Variants in RBFOX1 observed in about 807,000 individuals in gnomAD.
RBFOX1 encodes the protein RNA binding protein fox-1 homolog 1.
A neutral mutation model predicts 57.7 loss-of-function variants in RBFOX1; 8 were observed. The ratio of observed to expected loss-of-function variants is 0.14; its 90% CI spans 0.08 to 0.25. The LOEUF (loss-of-function observed/expected upper bound fraction) is 0.25, where lower values mean the gene tolerates loss of function less well. RBFOX1 is among the 10% of genes least tolerant of loss of function. RBFOX1 has a pLI of 1.00. For missense variants in RBFOX1, 611 were observed against 548.5 expected (o/e 1.11, Z -1.14); for synonymous variants, 326 against 222.4 (o/e 1.47, Z -4.15).
chr16:6,806,759 T>TA (rs2086861753), intron 3 of RBFOX1, among the ~76,000 whole-genome samples: 1 of 93,626 alleles, frequency 1.1e-5, no homozygotes, highest in Non-Finnish European at 3.1e-5. Flanking sequence ...TCTTTTTCTA[T>TA]TTTTTCTTTG....
chr16:5,524,621 A>T (rs1217712524), intron 2 of RBFOX1, among the ~76,000 whole-genome samples: 1 of 151,156 alleles, frequency 6.6e-6, no homozygotes, highest in African/African-American at 2.4e-5. Flanking sequence ...GCTCACTGCA[A>T]CCTCTGTGTC....
In RBFOX1 at chr16:7,197,614, A is replaced by G. The variant is rs188017568; in HGVS notation, c.27+145516A>G. Among the ~76,000 whole-genome samples the G allele has an allele frequency of 2.1e-3, 322 of 152,318 alleles. 1 individual carries two copies. Among genetic ancestry groups the G allele is most frequent in the African/African-American group, 7.3e-3 (305 of 41,570 alleles). On this transcript the variant is annotated intron_variant, in intron 4 of 15. Transcript: ENST00000550418. ...CATTGAAAACAAGTACTCAAACAAA[A>G]ATGTGTACAGAAATGTTCATCACAG...
intron 4 of RBFOX1, among the ~76,000 whole-genome samples, chr16:7,268,424 C>G (rs1363976277): frequency 3.9e-5 from 6 of 152,208 alleles, no homozygotes; most frequent in South Asian, 2.1e-4. Context: ...GTTACTTGCT[C>G]TCTGGGAGAA....
intron 4 of RBFOX1, among the ~76,000 whole-genome samples, chr16:7,441,497 C>T (rs1417258123): frequency 6.6e-6 from 1 of 152,140 alleles, no homozygotes; most frequent in East Asian, 1.9e-4. Flanking sequence ...GTGGTAAAAA[C>T]TAAAACTGGT....
chr16:6,788,740 G>C (rs773192596), intron 3 of RBFOX1, among the ~76,000 whole-genome samples: 16 of 148,020 alleles, frequency 1.1e-4, no homozygotes, highest in African/African-American at 4.2e-4. Flanking sequence ...CTCCCAGAGT[G>C]CTGGGATTAC....
At position 6,342,882 on chromosome 16, in the gene RBFOX1, C is replaced by A. The variant is rs1216592910; in HGVS notation, c.-64+25825C>A. ...ATGCTTTATCCTACATTGATGGGGA[C>A]ACTTGTTTCTAATGAGAAATCTGAT... On this transcript the variant is annotated intron_variant, in intron 2 of 15. Coordinates refer to ENST00000550418, the MANE Select transcript of RBFOX1 (RefSeq NM_018723.4). Among the ~76,000 whole-genome samples the A allele has an allele frequency of 2.6e-5, 4 of 152,072 alleles. No homozygotes were observed. The South Asian group carries it at 6.2e-4, about 24-fold the overall frequency.
chr16:6,926,380 C>T (rs1260050849), intron 3 of RBFOX1, among the ~76,000 whole-genome samples: 3 of 152,166 alleles, frequency 2.0e-5, no homozygotes, highest in Non-Finnish European at 2.9e-5. Flanking sequence ...GGAGACCCGC[C>T]TGCAGAAAGT....
chr16:7,402,162 A>G (rs7197858), intron 4 of RBFOX1, among the ~76,000 whole-genome samples: 103,312 of 151,988 alleles, frequency 0.68, 35,234 homozygotes, highest in Admixed American at 0.74. Context: ...TTGTGTTATA[A>G]AACTCGAGCT....
intron 3 of RBFOX1, among the ~76,000 whole-genome samples, chr16:6,856,447 C>T (rs937428372): frequency 6.6e-6 from 1 of 152,090 alleles, no homozygotes; most frequent in African/African-American, 2.4e-5. Flanking sequence ...GACAGCAGGA[C>T]CACCTGAGCC....
At position 5,527,934 on chromosome 16, in the gene RBFOX1, C is replaced by T. The variant is rs148562459; in HGVS notation, c.258+60680C>T. Among the ~76,000 whole-genome samples, 715 of 152,198 alleles carry T rather than the reference C, an allele frequency of 4.7e-3. 6 individuals are homozygous for T. The highest frequency in any genetic ancestry group is 0.017 in the African/African-American group (691 of 41,532). Reference sequence around the variant, plus strand: ...TGGAGAGCACTCACAGTGACTTCTACCTTTATGAGAAATTGTATTAGTGTG... The same window carrying T: ...TGGAGAGCACTCACAGTGACTTCTATCTTTATGAGAAATTGTATTAGTGTG... On this transcript the variant is annotated intron_variant, in intron 2 of 2. Coordinates refer to the RBFOX1 transcript ENST00000585867.
chr16:6,661,859 C>G (rs2098703586), intron 3 of RBFOX1, among the ~76,000 whole-genome samples: 1 of 152,124 alleles, frequency 6.6e-6, no homozygotes, highest in South Asian at 2.1e-4. Flanking sequence ...TTTTGAAGGA[C>G]CTCTATACTG....
At chr16:5,579,398 T>G (rs1306022347) in intron 2 of RBFOX1, among the ~76,000 whole-genome samples, 1 of 152,142 alleles carries the variant, frequency 6.6e-6, no homozygotes, top group East Asian at 1.9e-4. Flanking sequence ...CCAGCATCCT[T>G]GATTCTGGGA....
intron 1 of RBFOX1, among the ~76,000 whole-genome samples, chr16:6,287,734 C>T (rs1430631667): frequency 6.6e-6 from 1 of 152,064 alleles, no homozygotes; most frequent in South Asian, 2.1e-4. Context: ...TATGAAATGG[C>T]ATATTAAGAC....
intron 3 of RBFOX1, chr16:5,632,589 T>A (rs140502161): frequency 6.6e-6 from 1 of 152,356 alleles, no homozygotes; most frequent in East Asian, 1.9e-4. Flanking sequence ...AGCGGTGATT[T>A]ATCTGGAAAT....
chr16:5,364,589 A>G (rs1222759791), intron 1 of RBFOX1, among the ~76,000 whole-genome samples: 1 of 152,210 alleles, frequency 6.6e-6, no homozygotes, highest in Non-Finnish European at 1.5e-5. Context: ...TTCTCTATCT[A>G]AAAATCTCTC....
intron 4 of RBFOX1, among the ~76,000 whole-genome samples, chr16:7,435,780 A>G (rs1302415522): frequency 1.3e-5 from 2 of 152,194 alleles, no homozygotes; most frequent in African/African-American, 2.4e-5. Flanking sequence ...GGCAAACATC[A>G]CAGCCACAGT....
At chr16:5,402,032 G>A (rs1196785333) in intron 1 of RBFOX1, among the ~76,000 whole-genome samples, 1 of 152,212 alleles carries the variant, frequency 6.6e-6, no homozygotes, top group Non-Finnish European at 1.5e-5. Flanking sequence ...TTTCCAGGGT[G>A]TGGGAGAGGA....
intron 2 of RBFOX1, among the ~76,000 whole-genome samples, chr16:6,642,528 C>G (rs7190746): frequency 0.026 from 3,913 of 151,982 alleles, 180 homozygotes; most frequent in African/African-American, 0.09. Context: ...TACCCCACGC[C>G]AGCTCTGCTT....
At chr16:7,576,135 T>G (rs2093320214) in intron 5 of RBFOX1, among the ~76,000 whole-genome samples, 1 of 151,650 alleles carries the variant, frequency 6.6e-6, no homozygotes, top group Non-Finnish European at 1.5e-5. Flanking sequence ...AGACAGGGTC[T>G]CACTATGTTG....
Sources: gnomAD v4.1 joint callset for allele counts (sites outside exome capture counted in the v4.1 genomes callset) on GRCh38, gnomAD v4.1.1 for gene constraint, MANE v1.5 for transcripts, NCBI Gene and HGNC (gene_info 2026-07-23, HGNC 2026-07-21) for gene names.